Variants in ZNF892 observed in about 807,000 individuals in gnomAD.
ZNF892 encodes zinc finger protein 570-like.
the ZNF892 span, among the ~76,000 whole-genome samples, chr2:95,223,323 G>C: frequency 6.6e-6 from 1 of 152,068 alleles, no homozygotes; most frequent in Admixed American, 6.6e-5. Context: ...CTGGTGATTT[G>C]AATGTTTTCC....
chr2:95,260,862 A>C, the ZNF892 span, among the ~76,000 whole-genome samples: 16 of 152,196 alleles, frequency 1.1e-4, no homozygotes, highest in Non-Finnish European at 4.4e-5. Context: ...CTCAGAGGTC[A>C]GCAAGGCCAA....
chr2:95,214,503 G>A, the ZNF892 span: 1 of 398,484 alleles, frequency 2.5e-6, no homozygotes, highest in Non-Finnish European at 4.4e-6. Flanking sequence ...TTTAATACAA[G>A]AGGCTGTCAC....
chr2:95,226,897 G>A, the ZNF892 span, among the ~76,000 whole-genome samples: 10 of 152,142 alleles, frequency 6.6e-5, no homozygotes, highest in Admixed American at 5.2e-4. Context: ...CCAGGTTCTG[G>A]TCTCCTGGCT....
chr2:95,212,292 G>T, the ZNF892 span: 1 of 398,496 alleles, frequency 2.5e-6, no homozygotes, highest in Non-Finnish European at 4.4e-6. Flanking sequence ...CGTGAGTGTT[G>T]GAAACAGTGC....
At chr2:95,225,851 A>C in the ZNF892 span, among the ~76,000 whole-genome samples, 1 of 152,244 alleles carries the variant, frequency 6.6e-6, no homozygotes, top group Non-Finnish European at 1.5e-5. Flanking sequence ...TCTGAAATAC[A>C]ATGGTGAGAC....
the ZNF892 span, among the ~76,000 whole-genome samples, chr2:95,221,008 TATC>T: frequency 6.6e-6 from 1 of 152,228 alleles, no homozygotes; most frequent in Non-Finnish European, 1.5e-5. Flanking sequence ...TGACATATGA[TATC>T]ATAGAGAATC....
chr2:95,235,246 G>C, the ZNF892 span, among the ~76,000 whole-genome samples: 7 of 152,158 alleles, frequency 4.6e-5, no homozygotes, highest in African/African-American at 1.4e-4. Flanking sequence ...AAGATTTCTA[G>C]AGTTGAGCTC....
chr2:95,243,707 C>T, the ZNF892 span, among the ~76,000 whole-genome samples: 16 of 151,910 alleles, frequency 1.1e-4, no homozygotes, highest in East Asian at 7.8e-4. Context: ...CCACCCTGTC[C>T]GGGAGGGAGG....
chr2:95,242,224 T>C, the ZNF892 span, among the ~76,000 whole-genome samples: 1 of 151,852 alleles, frequency 6.6e-6, no homozygotes, highest in East Asian at 1.9e-4. Flanking sequence ...AAAGAAAAAA[T>C]GTTAAGAGCA....
At chr2:95,243,095 G>A in the ZNF892 span, among the ~76,000 whole-genome samples, 284 of 152,288 alleles carry the variant, frequency 1.9e-3, 2 homozygotes, top group African/African-American at 6.6e-3. Flanking sequence ...CGAGTGATCC[G>A]CCAGCCTCGG....
the ZNF892 span, among the ~76,000 whole-genome samples, chr2:95,245,215 G>A: frequency 1.4e-5 from 2 of 148,140 alleles, no homozygotes; most frequent in African/African-American, 4.9e-5. Context: ...ACATGAAAAA[G>A]CCTTAAAAAA....
At chr2:95,223,889 A>C in the ZNF892 span, among the ~76,000 whole-genome samples, 1 of 152,198 alleles carries the variant, frequency 6.6e-6, no homozygotes, top group African/African-American at 2.4e-5. Context: ...CATAAGTTGC[A>C]ATCCTAACCC....
the ZNF892 span, among the ~76,000 whole-genome samples, chr2:95,235,096 A>G: frequency 6.6e-6 from 1 of 152,186 alleles, no homozygotes; most frequent in Non-Finnish European, 1.5e-5. Context: ...ATCCCCACAC[A>G]TTTGGTCACA....
the ZNF892 span, among the ~76,000 whole-genome samples, chr2:95,234,703 C>A: frequency 6.6e-6 from 1 of 152,222 alleles, no homozygotes; most frequent in African/African-American, 2.4e-5. Context: ...GTGGAGCACT[C>A]CAACTCCACG....
the ZNF892 span, among the ~76,000 whole-genome samples, chr2:95,258,815 A>C: frequency 6.6e-6 from 1 of 152,156 alleles, no homozygotes; most frequent in Non-Finnish European, 1.5e-5. Flanking sequence ...TAGGGAGGGC[A>C]AACCTTTTCC....
At chr2:95,214,222 G>C in the ZNF892 span, 1 of 396,212 alleles carries the variant, frequency 2.5e-6, no homozygotes, top group Non-Finnish European at 4.4e-6. Context: ...TGTGTTCCCT[G>C]TAAATATTCC....
chr2:95,215,460 A>G, the ZNF892 span: 6 of 442,098 alleles, frequency 1.4e-5, no homozygotes, highest in Non-Finnish European at 1.6e-5. Context: ...CTACAAGTGT[A>G]AGGAATGTGG....
the ZNF892 span, among the ~76,000 whole-genome samples, chr2:95,244,394 G>A: frequency 2.0e-5 from 3 of 151,668 alleles, no homozygotes; most frequent in African/African-American, 7.3e-5. Context: ...AGCAGGGGTT[G>A]CAATCCTAGT....
At chr2:95,258,573 A>T in the ZNF892 span, among the ~76,000 whole-genome samples, 1 of 152,204 alleles carries the variant, frequency 6.6e-6, no homozygotes. Context: ...AGGGGCAAGG[A>T]GGCAAAGAAG....
Sources: gnomAD v4.1 joint callset for allele counts (sites outside exome capture counted in the v4.1 genomes callset) on GRCh38, gnomAD v4.1.1 for gene constraint, MANE v1.5 for transcripts, NCBI Gene and HGNC (gene_info 2026-07-23, HGNC 2026-07-21) for gene names.